The following RBFOX2 variants were observed in gnomAD, a reference collection of about 807,000 sequenced individuals.
RBFOX2 encodes RNA binding fox-1 homolog 2.
A neutral mutation model predicts 49.1 loss-of-function variants in RBFOX2; 10 were observed. The ratio of observed to expected loss-of-function variants is 0.20; its 90% CI spans 0.13 to 0.35. The LOEUF is 0.35. RBFOX2 is among the 10% of genes least tolerant of loss of function. The pLI is 1.00. For missense variants in RBFOX2, 323 were observed against 486.9 expected, an observed-to-expected ratio of 0.66 and a Z score of 3.17; for synonymous variants, 183 against 187.4, an observed-to-expected ratio of 0.98 and a Z score of 0.19.
chr22:35,789,212 A>G (rs1285487106), intron 2 of RBFOX2, among the ~76,000 whole-genome samples: 1 of 152,178 alleles, frequency 6.6e-6, no homozygotes, highest in South Asian at 2.1e-4. Context: ...TATGAAAAAT[A>G]TAATTTTCAG....
At chr22:35,929,127 ATTATT>A (rs1046869745) in intron 1 of RBFOX2, among the ~76,000 whole-genome samples, 1 of 151,852 alleles carries the variant, frequency 6.6e-6, no homozygotes, top group African/African-American at 2.4e-5. Context: ...TATGATTATT[ATTATT>A]TTATTTTATT....
chr22:35,750,360 G>A (rs1934434221), intron 9 of RBFOX2: 15 of 1,257,256 alleles, frequency 1.2e-5, no homozygotes, highest in Non-Finnish European at 1.6e-5. Flanking sequence ...ATGCACTGAT[G>A]CAAAACTGAA....
chr22:35,922,968 G>T (rs924431986), intron 1 of RBFOX2, among the ~76,000 whole-genome samples: 3 of 152,124 alleles, frequency 2.0e-5, no homozygotes, highest in African/African-American at 7.2e-5. Context: ...GGTATGAAGT[G>T]CTGGGTTTGA....
At chr22:35,784,448 C>T (rs1165190918) in intron 2 of RBFOX2, among the ~76,000 whole-genome samples, 4 of 152,232 alleles carry the variant, frequency 2.6e-5, no homozygotes, top group Admixed American at 1.3e-4. Flanking sequence ...ACCTCATGCC[C>T]GACATAGCCT....
intron 1 of RBFOX2, among the ~76,000 whole-genome samples, chr22:35,895,698 G>A (rs1470947913): frequency 6.6e-6 from 1 of 152,058 alleles, no homozygotes; most frequent in Non-Finnish European, 1.5e-5. Flanking sequence ...ACGGGCTAAG[G>A]TGCACGGCTT....
rs113343589 is a variant in RBFOX2 at position 35,947,276 on chromosome 22, T to C, written c.43-8379A>G. Among the ~76,000 whole-genome samples, 350 of 152,252 alleles carry C rather than the reference T, an allele frequency of 2.3e-3. 3 individuals are homozygous for C. The highest frequency in any genetic ancestry group is 7.1e-3 in the African/African-American group (297 of 41,544). ...CTGTCATGGCACAAAACATTACTTA[T>C]GTGTTTGTGTGATGCTGGTGTAAAC... is the stretch of plus-strand genomic sequence containing the variant. On this transcript the variant is annotated intron_variant, in intron 1 of 5. Transcript: ENST00000408983.
At chr22:36,028,627 G>A (rs1164933444) in exon 1 of RBFOX2, among the ~76,000 whole-genome samples, 2 of 145,312 alleles carry the variant, frequency 1.4e-5, no homozygotes, top group Non-Finnish European at 3.0e-5. Context: ...CTCCCCGCCC[G>A]CCCGCCCGCC....
intron 1 of RBFOX2, among the ~76,000 whole-genome samples, chr22:35,890,225 G>A (rs1039613563): frequency 6.6e-6 from 1 of 152,094 alleles, no homozygotes; most frequent in Non-Finnish European, 1.5e-5. Flanking sequence ...ACAGAATTCA[G>A]GTTTCCTTAT....
intron 1 of RBFOX2, among the ~76,000 whole-genome samples, chr22:35,889,128 G>A (rs1002926368): frequency 6.6e-6 from 1 of 152,076 alleles, no homozygotes; most frequent in Non-Finnish European, 1.5e-5. Flanking sequence ...GTGCTCCAGG[G>A]TGGGTGACAA....
intron 2 of RBFOX2, among the ~76,000 whole-genome samples, chr22:35,782,854 A>G (rs555081001): frequency 6.6e-6 from 1 of 152,166 alleles, no homozygotes; most frequent in East Asian, 1.9e-4. Flanking sequence ...GTATGCATTT[A>G]TTTATTTATT....
chr22:35,808,483 A>G (rs535433049), intron 2 of RBFOX2, among the ~76,000 whole-genome samples: 1 of 152,334 alleles, frequency 6.6e-6, no homozygotes, highest in South Asian at 2.1e-4. Flanking sequence ...GATATAGGAA[A>G]GAGAAAAAGA....
chr22:35,918,385 T>C (rs773464906), intron 1 of RBFOX2, among the ~76,000 whole-genome samples: 8 of 152,160 alleles, frequency 5.3e-5, no homozygotes, highest in East Asian at 1.9e-4. Flanking sequence ...GAAGGGCACA[T>C]TGTTTGCTTG....
At chr22:35,982,937 C>T (rs184978197) in intron 1 of RBFOX2, among the ~76,000 whole-genome samples, 9 of 152,216 alleles carry the variant, frequency 5.9e-5, no homozygotes, top group African/African-American at 9.6e-5. Context: ...TTCAGGACTC[C>T]TCTTTCTTTG....
At chr22:35,954,603 C>T (rs2149879581) in intron 1 of RBFOX2, among the ~76,000 whole-genome samples, 1 of 152,320 alleles carries the variant, frequency 6.6e-6, no homozygotes, top group Admixed American at 6.5e-5. Context: ...ATAGTAATGG[C>T]CCTCCATTGC....
At chr22:36,010,486 G>A (rs5756039) in intron 1 of RBFOX2, among the ~76,000 whole-genome samples, 12,832 of 151,884 alleles carry the variant, frequency 0.084, 582 homozygotes, top group African/African-American at 0.11. Context: ...AGTAGAGGTC[G>A]ACATTCACCT....
chr22:35,742,281 G>A (rs1048939327), exon 12 of RBFOX2: 2 of 152,286 alleles, frequency 1.3e-5, no homozygotes, highest in African/African-American at 4.8e-5. Context: ...ATCGCCCCTA[G>A]TTTCAGGCAC....
At chr22:35,870,433 C>T (rs1315764671) in intron 1 of RBFOX2, among the ~76,000 whole-genome samples, 1 of 152,142 alleles carries the variant, frequency 6.6e-6, no homozygotes, top group African/African-American at 2.4e-5. Context: ...GATTGCACCA[C>T]TGCACTCCAG....
At chr22:35,979,741 T>A (rs2057367569) in intron 1 of RBFOX2, among the ~76,000 whole-genome samples, 1 of 152,136 alleles carries the variant, frequency 6.6e-6, no homozygotes, top group Non-Finnish European at 1.5e-5. Context: ...TAATAGCCAC[T>A]AACAGGAATT....
chr22:35,935,640 T>C (rs1478926622), intron 1 of RBFOX2, among the ~76,000 whole-genome samples: 1 of 152,204 alleles, frequency 6.6e-6, no homozygotes, highest in African/African-American at 2.4e-5. Context: ...GTGGTTGAGC[T>C]TGAAGAAGTC....
Sources: gnomAD v4.1 joint callset for allele counts (sites outside exome capture counted in the v4.1 genomes callset) on GRCh38, gnomAD v4.1.1 for gene constraint, MANE v1.5 for transcripts, NCBI Gene and HGNC (gene_info 2026-07-23, HGNC 2026-07-21) for gene names.